Variants in RORB observed in about 807,000 individuals in gnomAD.
RORB encodes the protein nuclear receptor ROR-beta.
Under a neutral mutation model 59.1 loss-of-function variants are expected in RORB, and 6 were observed. The ratio of observed to expected loss-of-function variants is 0.10; its 90% CI spans 0.06 to 0.20. RORB has a LOEUF of 0.20. RORB is among the 10% of genes least tolerant of loss of function. The pLI is 1.00. For missense variants in RORB, 320 were observed against 560.5 expected (o/e 0.57, Z 4.33); for synonymous variants, 215 against 204.5 (o/e 1.05, Z -0.44).
At chr9:74,646,121 T>C (rs575056922) in intron 4 of RORB, among the ~76,000 whole-genome samples, 32 of 84,024 alleles carry the variant, frequency 3.8e-4, no homozygotes, top group Non-Finnish European at 6.5e-4. Flanking sequence ...TTTGAGATTA[T>C]GTCACACCAA....
chr9:74,638,083 A>G (rs1312397542), intron 3 of RORB, among the ~76,000 whole-genome samples: 1 of 152,312 alleles, frequency 6.6e-6, no homozygotes, highest in South Asian at 2.1e-4. Flanking sequence ...GAAGCTGAAA[A>G]GAGTTAAATT....
intron 1 of RORB, among the ~76,000 whole-genome samples, chr9:74,589,512 A>C (rs1456824733): frequency 6.6e-6 from 1 of 152,228 alleles, no homozygotes; most frequent in African/African-American, 2.4e-5. Context: ...CCTCGTTCTT[A>C]AAATGATACC....
chr9:74,577,652 G>T (rs1191545397), intron 1 of RORB, among the ~76,000 whole-genome samples: 1 of 151,882 alleles, frequency 6.6e-6, no homozygotes, highest in African/African-American at 2.4e-5. Context: ...AGTGAAATGG[G>T]GCAGAGACAC....
chr9:74,623,902 A>G (rs1040454470), intron 1 of RORB, among the ~76,000 whole-genome samples: 1 of 152,264 alleles, frequency 6.6e-6, no homozygotes, highest in African/African-American at 2.4e-5. Flanking sequence ...GCTACAACTT[A>G]TAAAGTGATT....
intron 1 of RORB, among the ~76,000 whole-genome samples, chr9:74,572,077 A>G (rs1398044584): frequency 1.3e-5 from 2 of 151,716 alleles, no homozygotes; most frequent in African/African-American, 4.8e-5. Context: ...TTAATTTGCG[A>G]CTCTTGCTAG....
At chr9:74,559,368 G>A (rs1587359124) in intron 1 of RORB, among the ~76,000 whole-genome samples, 2 of 152,120 alleles carry the variant, frequency 1.3e-5, no homozygotes, top group South Asian at 4.1e-4. Flanking sequence ...AGGCAGACAC[G>A]TTTGACCTAG....
In RORB at chr9:74,667,757, G is replaced by A. The variant is rs774416088; in HGVS notation, c.1001-34G>A. On this transcript the variant is annotated intron_variant, in intron 7 of 9. Transcript: ENST00000376896. ...TACTCTTGCCCCATTTCAAGTTCAAGTATTTTTATTCCATTTTTCTTCTTC... is the reference window on the plus strand; with the variant it reads ...TACTCTTGCCCCATTTCAAGTTCAAATATTTTTATTCCATTTTTCTTCTTC... 3 of 1,340,636 alleles carry A rather than the reference G, an allele frequency of 2.2e-6. No individual in the cohort carries two copies. The South Asian group carries it at 3.5e-5, about 16-fold the overall frequency. The allele number at this position is 1,340,636 out of a possible 1,614,324, so 83.0% of individuals were successfully genotyped here.
intron 1 of RORB, among the ~76,000 whole-genome samples, chr9:74,511,932 G>A (rs1175520346): frequency 6.6e-6 from 1 of 151,322 alleles, no homozygotes; most frequent in Non-Finnish European, 1.5e-5. Context: ...TGGTCTTTTT[G>A]AGAATCGTAT....
At position 74,508,403 on chromosome 9, in the gene RORB, T is replaced by C. The variant is rs576647563; in HGVS notation, c.7+10420T>C. Among the ~76,000 whole-genome samples the C allele has an allele frequency of 3.3e-5, 5 of 152,156 alleles. No homozygotes were observed. The East Asian group carries it at 5.8e-4, about 18-fold the overall frequency. ...AGTGTTCTTTTGCAATAAAATAAAC[T>C]GATTTGGAATTTTTTCCACCAAAAT... On this transcript the variant is annotated intron_variant, in intron 1 of 9. Transcript: ENST00000376896.
Position 74,536,067 on chromosome 9 carries a change from G to T in RORB, c.7+38084G>T, listed in dbSNP as rs749437132. Among the ~76,000 whole-genome samples, 8 of 151,938 alleles carry T rather than the reference G, an allele frequency of 5.3e-5. No homozygotes were observed. The South Asian group carries it at 1.5e-3, about 28-fold the overall frequency. On this transcript the variant is annotated intron_variant, in intron 1 of 9. Transcript: ENST00000376896. ...ATTACGAAGTCTCATAAAATATAACGTATTTCTCTGCTTACATGAAGTATT... is the reference window on the plus strand; with the variant it reads ...ATTACGAAGTCTCATAAAATATAACTTATTTCTCTGCTTACATGAAGTATT...
chr9:74,574,743 T>C (rs1323487513), intron 1 of RORB, among the ~76,000 whole-genome samples: 1 of 152,094 alleles, frequency 6.6e-6, no homozygotes, highest in African/African-American at 2.4e-5. Flanking sequence ...AAACTAGTCA[T>C]ACGATTGAGA....
chr9:74,676,007 C>G (rs1437559882), intron 9 of RORB, among the ~76,000 whole-genome samples: 3 of 152,154 alleles, frequency 2.0e-5, no homozygotes, highest in African/African-American at 7.2e-5. Context: ...TTGCCCTGAC[C>G]AGAGGTGCAG....
chr9:74,683,540 C>T (rs1824583670), intron 9 of RORB, among the ~76,000 whole-genome samples: 1 of 152,176 alleles, frequency 6.6e-6, no homozygotes, highest in Non-Finnish European at 1.5e-5. Context: ...ACCTCACCCA[C>T]TGCTGCAGCG....
chr9:74,619,728 G>A (rs1173268756), intron 1 of RORB, among the ~76,000 whole-genome samples: 2 of 152,142 alleles, frequency 1.3e-5, no homozygotes, highest in Admixed American at 1.3e-4. Flanking sequence ...GGAATTACAG[G>A]AGTTGGTTGT....
At position 74,567,971 on chromosome 9, in the gene RORB, A is replaced by C. The variant is rs117589491; in HGVS notation, c.8-62311A>C. Among the ~76,000 whole-genome samples, 1,510 of 152,340 alleles carry C rather than the reference A, an allele frequency of 9.9e-3. 21 individuals carry two copies. Among genetic ancestry groups the C allele is most frequent in the Admixed American group, 0.017 (264 of 15,312 alleles). The stretch of plus-strand genomic sequence containing the variant: ...TATTTTTACAACCCAGGGTTTTAGC[A>C]ACTCAAGAGGCTTTATATGTGTTCA... On this transcript the variant is annotated intron_variant, in intron 1 of 9. Transcript: ENST00000376896.
intron 1 of RORB, among the ~76,000 whole-genome samples, chr9:74,536,773 C>A (rs1826328724): frequency 6.6e-6 from 1 of 151,832 alleles, no homozygotes; most frequent in South Asian, 2.1e-4. Context: ...GCTTACTAGC[C>A]CACAGTCACC....
chr9:74,658,892 A>G (rs1824134031), intron 4 of RORB, among the ~76,000 whole-genome samples: 1 of 152,254 alleles, frequency 6.6e-6, no homozygotes, highest in Non-Finnish European at 1.5e-5. Context: ...GTGCAAGTCT[A>G]GAAATGCTCA....
intron 1 of RORB, among the ~76,000 whole-genome samples, chr9:74,555,871 A>G (rs759725463): frequency 3.3e-5 from 5 of 152,240 alleles, no homozygotes; most frequent in African/African-American, 9.6e-5. Flanking sequence ...CTGTAAGCCC[A>G]GCAGAAATTT....
intron 1 of RORB, among the ~76,000 whole-genome samples, chr9:74,535,905 G>GGTT (rs912126205): frequency 5.9e-5 from 9 of 151,890 alleles, no homozygotes; most frequent in Admixed American, 1.3e-4. Context: ...AGGATTTTAG[G>GGTT]GTTGTTGTTG....
Sources: allele counts gnomAD v4.1 joint callset (sites outside exome capture counted in the v4.1 genomes callset), GRCh38; gene constraint gnomAD v4.1.1; transcripts MANE v1.5; gene names NCBI Gene and HGNC (gene_info 2026-07-23, HGNC 2026-07-21).